The following FGD3 variants were observed in gnomAD, a reference collection of about 807,000 sequenced individuals.
FGD3 encodes FYVE, RhoGEF and PH domain containing 3, also known as FYVE, RhoGEF and PH domain-containing protein 3.
In FGD3, 45 loss-of-function variants were observed where a neutral mutation model predicts 71.8. That is an observed-to-expected ratio of 0.63 (90% CI 0.49 to 0.80). The LOEUF (loss-of-function observed/expected upper bound fraction) is 0.80, where lower values mean the gene tolerates loss of function less well. Among genes scored for constraint, FGD3 ranks in the 30% least tolerant of loss-of-function variants. The pLI, the probability that FGD3 is intolerant of heterozygous loss-of-function variation, is 0.00. For synonymous variants in FGD3, 378 were observed against 392.8 expected (o/e 0.96, Z 0.44); for missense variants, 844 against 951.5 (o/e 0.89, Z 1.49).
intron 6 of FGD3, 130 bp from the exon 7 acceptor site, chr9:93,010,116 T>C: frequency 9.1e-7 from 1 of 1,093,088 alleles, no homozygotes; most frequent in Non-Finnish European, 1.3e-6. Flanking sequence ...GTCAGCCATG[T>C]CTTGAAGGAC....
At chr9:92,949,521 C>A (rs945298490) in intron 1 of FGD3, among the ~76,000 whole-genome samples, 1 of 152,164 alleles carries the variant, frequency 6.6e-6, no homozygotes, top group Non-Finnish European at 1.5e-5. Flanking sequence ...AGTCCTGCAG[C>A]ATCAGTTCAG....
chr9:92,998,954 C>G (rs140404086), intron 3 of FGD3, among the ~76,000 whole-genome samples: 6,367 of 152,298 alleles, frequency 0.042, 158 homozygotes, highest in Middle Eastern at 0.071. Flanking sequence ...TGTCCATTCT[C>G]AGATCTCAAA....
At chr9:93,024,298 C>T (rs944018903) in intron 14 of FGD3, among the ~76,000 whole-genome samples, 2 of 152,216 alleles carry the variant, frequency 1.3e-5, no homozygotes, top group South Asian at 4.1e-4. Context: ...ACAGTGGGGA[C>T]GTGACAGCCC....
chr9:92,960,912 A>G (rs1859156610), intron 1 of FGD3, among the ~76,000 whole-genome samples: 2 of 150,590 alleles, frequency 1.3e-5, no homozygotes, highest in South Asian at 4.2e-4. Context: ...CCCTCCACCC[A>G]GGCCTCTCTC....
Position 93,033,297 on chromosome 9 carries a change from G to A in FGD3, c.1785+424G>A, listed in dbSNP as rs573983594. ...CAGGCACCCCCTCCTCCTCCTCCCC[G>A]TCCCCTTCTCCTCCTCCTCCCCGTC... On this transcript the variant is annotated intron_variant, in intron 16 of 17. Coordinates refer to ENST00000375482, the MANE Select transcript of FGD3 (RefSeq NM_001083536.2). 484 of 141,474 alleles carry A rather than the reference G, an allele frequency of 3.4e-3. 13 individuals carry two copies. Among genetic ancestry groups the A allele is most frequent in the South Asian group, 0.021 (467 of 21,780 alleles). The allele number at this position is 141,474 out of a possible 1,614,324, so 8.8% of individuals were successfully genotyped here. A position where few individuals can be genotyped will look rare whatever the true frequency, so the allele number is the denominator to read the frequency against.
chr9:92,980,560 ATT>A (rs570896030), intron 3 of FGD3, among the ~76,000 whole-genome samples: 1 of 145,708 alleles, frequency 6.9e-6, no homozygotes, highest in African/African-American at 2.5e-5. Context: ...TTGATTCAAG[ATT>A]TTTTTTTTTT....
chr9:93,006,790 G>T (rs770762956), intron 6 of FGD3, among the ~76,000 whole-genome samples: 1 of 151,140 alleles, frequency 6.6e-6, no homozygotes, highest in Non-Finnish European at 1.5e-5. Flanking sequence ...GTAGTGGCAC[G>T]ATCTCGGCTC....
chr9:93,034,894 G>C (rs892684359), intron 17 of FGD3, among the ~76,000 whole-genome samples: 1 of 152,196 alleles, frequency 6.6e-6, no homozygotes, highest in Non-Finnish European at 1.5e-5. Context: ...GAGCCAGCCA[G>C]GGTGCAAGGA....
At position 93,018,123 on chromosome 9, in the gene FGD3, C is replaced by T. The variant is rs762186418; in HGVS notation, c.1276-13C>T. On this transcript the variant is annotated splice_polypyrimidine_tract_variant and intron_variant, in intron 10 of 17. Coordinates refer to ENST00000375482, the MANE Select transcript of FGD3 (RefSeq NM_001083536.2). ...GCTTGGGTTTGCTTTGTTCTTTGTT[C>T]TTGCCCCTTCAGGTGCAGGATATCG... 3 of 1,613,500 alleles carry T rather than the reference C, an allele frequency of 1.9e-6. No individual in the cohort carries two copies. The highest frequency in any genetic ancestry group is 1.3e-5 in the African/African-American group (1 of 74,912).
intron 14 of FGD3, among the ~76,000 whole-genome samples, chr9:93,025,104 C>A (rs1419403515): frequency 2.0e-5 from 3 of 152,212 alleles, no homozygotes; most frequent in Non-Finnish European, 4.4e-5. Flanking sequence ...GGCCAGCAGA[C>A]CCGCTGTGCC....
chr9:93,020,626 T>C, intron 13 of FGD3: 2 of 555,724 alleles, frequency 3.6e-6, no homozygotes, highest in Non-Finnish European at 3.2e-6. Flanking sequence ...AGCAAACAAC[T>C]ATTTGTGGAT....
At chr9:92,985,610 C>T (rs60853864) in intron 3 of FGD3, among the ~76,000 whole-genome samples, 6,072 of 152,224 alleles carry the variant, frequency 0.04, 397 homozygotes, top group African/African-American at 0.13. Context: ...TCCCAAGTAT[C>T]TGGGATTACG....
intron 8 of FGD3, 113 bp downstream of exon 8, chr9:93,011,385 C>A: frequency 7.8e-7 from 1 of 1,274,228 alleles, no homozygotes. Context: ...CCACAAGTGA[C>A]TCTTTTATAC....
intron 3 of FGD3, among the ~76,000 whole-genome samples, chr9:92,988,144 T>G (rs1049173325): frequency 1.3e-4 from 20 of 152,098 alleles, no homozygotes; most frequent in African/African-American, 4.8e-4. Flanking sequence ...AAGAAAGCTC[T>G]CAGCAAAGAA....
chr9:93,030,673 G>A (rs947190394), intron 15 of FGD3, among the ~76,000 whole-genome samples: 10 of 148,928 alleles, frequency 6.7e-5, no homozygotes, highest in African/African-American at 2.2e-4. Context: ...TGCCTGAAGC[G>A]GTTGATGTTG....
chr9:92,985,191 G>A (rs552411205), intron 3 of FGD3, among the ~76,000 whole-genome samples: 59 of 152,322 alleles, frequency 3.9e-4, no homozygotes, highest in Non-Finnish European at 4.3e-4. Context: ...GGCTTCCCAC[G>A]CCAATGGCAG....
chr9:92,960,156 A>G lies in FGD3; in HGVS notation c.-218+12427A>G, dbSNP rs1859143626. Among the ~76,000 whole-genome samples, 9 of 151,116 alleles carry G rather than the reference A, an allele frequency of 6.0e-5. No homozygotes were observed. In the South Asian group the frequency reaches 1.7e-3, roughly 28 times the overall value. On this transcript the variant is annotated intron_variant, in intron 1 of 17. Coordinates refer to ENST00000375482, the MANE Select transcript of FGD3 (RefSeq NM_001083536.2). Reference sequence around the variant, plus strand: ...TGTGTCTTCATGTCTTCATGTCCCTATGTCTTCAGGTTCCCATGTCCACTT... The same window carrying G: ...TGTGTCTTCATGTCTTCATGTCCCTGTGTCTTCAGGTTCCCATGTCCACTT...
chr9:93,018,251 C>G, intron 11 of FGD3, 36 bp downstream of exon 11: 2 of 1,555,294 alleles, frequency 1.3e-6, no homozygotes, highest in Non-Finnish European at 1.8e-6. Flanking sequence ...ATGTCTTTGA[C>G]CTCATGTCTT....
chr9:92,965,582 T>C (rs1175634199), intron 1 of FGD3, among the ~76,000 whole-genome samples: 1 of 152,224 alleles, frequency 6.6e-6, no homozygotes, highest in Non-Finnish European at 1.5e-5. Flanking sequence ...CACCATGCAG[T>C]GTGCAAGACC....
Sources: gnomAD v4.1 joint callset for allele counts (sites outside exome capture counted in the v4.1 genomes callset) on GRCh38, gnomAD v4.1.1 for gene constraint, MANE v1.5 for transcripts, NCBI Gene and HGNC (gene_info 2026-07-23, HGNC 2026-07-21) for gene names.